The following LHX4 variants were observed in gnomAD, a reference collection of about 807,000 sequenced individuals.
LHX4 encodes the protein LIM/homeobox protein Lhx4.
Under a neutral mutation model 39.2 loss-of-function variants are expected in LHX4, and 16 were observed. The observed-to-expected ratio is 0.41, with a 90% CI of 0.28 to 0.62. LHX4 has a LOEUF of 0.62. Ranked by LOEUF, LHX4 falls within the 20% of genes least tolerant of loss-of-function variation. LHX4 has a pLI of 0.33. For synonymous variants in LHX4, 206 were observed against 198.1 expected (o/e 1.04, Z -0.33); for missense variants, 439 against 511.9 (o/e 0.86, Z 1.37).
In LHX4 at chr1:180,274,867, G is replaced by A; in HGVS notation, c.*288G>A. 1 of 326,194 alleles carries A rather than the reference G, an allele frequency of 3.1e-6. No individual in the cohort carries two copies. The highest frequency in any genetic ancestry group is 5.6e-6 in the Non-Finnish European group (1 of 177,750). 20.2% of individuals were successfully genotyped at this position (326,194 alleles called of 1,614,324 possible). A position where few individuals can be genotyped will look rare whatever the true frequency, so the allele number is the denominator to read the frequency against. ...TCTCTCCCCTGCTGTTCTGCTTAGGGGCTTGGCTGCTCAGTGCTTTGGTAG... is the reference window on the plus strand; with the variant it reads ...TCTCTCCCCTGCTGTTCTGCTTAGGAGCTTGGCTGCTCAGTGCTTTGGTAG... On this transcript the variant is annotated 3_prime_UTR_variant, in exon 6 of 6. Coordinates refer to ENST00000263726, the MANE Select transcript of LHX4 (RefSeq NM_033343.4).
intron 2 of LHX4, among the ~76,000 whole-genome samples, chr1:180,249,911 C>T (rs1253093786): frequency 1.3e-5 from 2 of 150,880 alleles, no homozygotes; most frequent in Admixed American, 6.6e-5. Context: ...GTGTGTGTGA[C>T]AGTGTGTGTG....
intron 2 of LHX4, among the ~76,000 whole-genome samples, chr1:180,257,400 T>C (rs75749074): frequency 0.015 from 2,338 of 152,260 alleles, 52 homozygotes; most frequent in African/African-American, 0.052. Context: ...GGGAGGTATA[T>C]GTGTGAATGT....
Position 180,274,671 on chromosome 1 carries a change from G to A in LHX4, c.*92G>A, listed in dbSNP as rs1476681003. The A allele has an allele frequency of 1.2e-5, 17 of 1,387,836 alleles. No homozygotes were observed. Among genetic ancestry groups the A allele is most frequent in the Admixed American group, 1.1e-4 (5 of 44,024 alleles). The allele number at this position is 1,387,836 out of a possible 1,614,324, so 86.0% of individuals were successfully genotyped here. Reference sequence around the variant, plus strand: ...CTTGCCTTTTAAGGATCGAAAGTACGCCAATGTGAATTTCCATTATTTTCA... The same window carrying A: ...CTTGCCTTTTAAGGATCGAAAGTACACCAATGTGAATTTCCATTATTTTCA... On this transcript the variant is annotated 3_prime_UTR_variant, in exon 6 of 6. Transcript: ENST00000263726.
chr1:180,255,538 T>C (rs908202436), intron 2 of LHX4, among the ~76,000 whole-genome samples: 10 of 152,222 alleles, frequency 6.6e-5, no homozygotes, highest in African/African-American at 2.4e-4. Flanking sequence ...TTAAACCTTT[T>C]AAGGTAACGA....
intron 5 of LHX4, 124 bp downstream of exon 5, chr1:180,272,130 C>G (rs1339894632): frequency 7.2e-6 from 6 of 832,172 alleles, no homozygotes; most frequent in Non-Finnish European, 1.1e-5. Context: ...ACAGGCTTTT[C>G]CTTAAGACTT....
chr1:180,246,774 T>C (rs1425463706), intron 1 of LHX4, among the ~76,000 whole-genome samples: 1 of 152,210 alleles, frequency 6.6e-6, no homozygotes, highest in Non-Finnish European at 1.5e-5. Flanking sequence ...GTTTTACTGC[T>C]GTTGACATTT....
At position 180,234,733 on chromosome 1, in the gene LHX4, C is replaced by T. The variant is rs990305288; in HGVS notation, c.76+4128C>T. ...GTCCCGGGAAGTCGTAAAGTCGGGA[C>T]TGAGAAGAAGCAGGACCTAACTCAA... On this transcript the variant is annotated intron_variant, in intron 1 of 5. Coordinates refer to ENST00000263726, the MANE Select transcript of LHX4 (RefSeq NM_033343.4). The surrounding 1 kb of genome is among the most constrained non-coding windows in gnomAD (Gnocchi z 4.8). Among the ~76,000 whole-genome samples, 1 of 152,246 alleles carries T rather than the reference C, an allele frequency of 6.6e-6. No homozygotes were observed. The highest frequency in any genetic ancestry group is 1.5e-5 in the Non-Finnish European group (1 of 68,036).
intron 3 of LHX4, chr1:180,270,936 T>G: frequency 7.8e-6 from 2 of 256,946 alleles, no homozygotes; most frequent in South Asian, 8.6e-5. Context: ...TGTGGGGAAA[T>G]GGGAGACTCC....
chr1:180,256,277 A>G (rs1021132629), intron 2 of LHX4, among the ~76,000 whole-genome samples: 3 of 152,140 alleles, frequency 2.0e-5, no homozygotes, highest in African/African-American at 4.8e-5. Context: ...TGGGCATTCA[A>G]GGGCCCATGA....
chr1:180,231,099 G>C (rs1664165958), intron 1 of LHX4, among the ~76,000 whole-genome samples: 1 of 151,982 alleles, frequency 6.6e-6, no homozygotes, highest in Admixed American at 6.5e-5. Context: ...CCTGCGGCCC[G>C]CGCCCCGGGC....
intron 1 of LHX4, among the ~76,000 whole-genome samples, chr1:180,240,539 C>A (rs946227232): frequency 6.6e-6 from 1 of 152,064 alleles, no homozygotes; most frequent in South Asian, 2.1e-4. Flanking sequence ...TTTGATCTTC[C>A]GTGACGAAAG....
In LHX4 at chr1:180,253,671, C is replaced by T. The variant is rs560476517; in HGVS notation, c.248+5215C>T. The stretch of plus-strand genomic sequence containing the variant: ...TGGAGAGGAGCTCACGCTAACCCAC[C>T]GAGCTAGGAAGAAGACGTGTGTGAC... On this transcript the variant is annotated intron_variant, in intron 2 of 5. Coordinates refer to ENST00000263726, the MANE Select transcript of LHX4 (RefSeq NM_033343.4). Among the ~76,000 whole-genome samples, 8 of 152,338 alleles carry T rather than the reference C, an allele frequency of 5.3e-5. No homozygotes were observed. In the South Asian group the frequency reaches 8.3e-4, roughly 16 times the overall value.
rs534579907 is a variant in LHX4, at chr1:180,260,210, C to T, written c.249-6182C>T. On this transcript the variant is annotated intron_variant, in intron 2 of 5. Coordinates refer to ENST00000263726, the MANE Select transcript of LHX4 (RefSeq NM_033343.4). Reference sequence around the variant, plus strand: ...TGCAGGGCCCACTCTGCACAGGACACAGGTTGGTGCTAGGAGAATGGCAGC... The same window carrying T: ...TGCAGGGCCCACTCTGCACAGGACATAGGTTGGTGCTAGGAGAATGGCAGC... Among the ~76,000 whole-genome samples, 6 of 151,864 alleles carry T rather than the reference C, an allele frequency of 4.0e-5. No homozygotes were observed. In the South Asian group the frequency reaches 1.2e-3, roughly 31 times the overall value.
intron 2 of LHX4, among the ~76,000 whole-genome samples, chr1:180,250,915 G>T (rs1379006797): frequency 6.6e-6 from 1 of 152,204 alleles, no homozygotes; most frequent in Middle Eastern, 3.2e-3. Context: ...AAAGGCCCAA[G>T]ACCAGAAATA....
chr1:180,274,530 C>T lies in LHX4; in HGVS notation c.1124C>T (p.Pro375Leu). The T allele has an allele frequency of 6.2e-7, 1 of 1,604,934 alleles. No homozygotes were observed. The highest frequency in any genetic ancestry group is 8.5e-7 in the Non-Finnish European group (1 of 1,175,310). ...TGSSVGYPDF[P>L]TSPGSWLDEM... ...AGCAGTGTAGGCTATCCCGACTTTC[C>T]AACTAGCCCAGGCTCTTGGCTCGAT... The change falls in exon 6 of 6, where the codon CCA becomes CTA. Residue 375 changes from proline (P) to leucine (L), a missense_variant. Pro to Leu is a moderately conservative substitution (Grantham distance 98). Transcript: ENST00000263726.
At position 180,233,944 on chromosome 1, in the gene LHX4, T is replaced by G. The variant is rs562373417; in HGVS notation, c.76+3339T>G. On this transcript the variant is annotated intron_variant, in intron 1 of 5. Transcript: ENST00000263726. ...AGGTTTTCCCTGGGACTTCCTCTCC[T>G]GGGGCTCCTCCGGGGTGCGTGGGGT... Among the ~76,000 whole-genome samples the G allele has an allele frequency of 2.2e-3, 341 of 151,658 alleles. 1 individual carries two copies. Among genetic ancestry groups the G allele is most frequent in the Middle Eastern group, 0.01 (3 of 294 alleles).
chr1:180,267,029 G>A (rs575809187), intron 3 of LHX4, among the ~76,000 whole-genome samples: 181 of 152,210 alleles, frequency 1.2e-3, no homozygotes, highest in Admixed American at 1.9e-3. Flanking sequence ...CTCAAAGGCC[G>A]TCGGTGAGAG....
At chr1:180,248,756 C>T (rs1285742756) in intron 2 of LHX4, 1 of 446,984 alleles carries the variant, frequency 2.2e-6, no homozygotes, top group Non-Finnish European at 4.2e-6. Context: ...CAAATCTCCT[C>T]TGTTGCTCCA....
At chr1:180,228,860 G>A (rs1230695078), upstream of LHX4, among the ~76,000 whole-genome samples, 1 of 152,206 alleles carries the variant, frequency 6.6e-6, no homozygotes, top group African/African-American at 2.4e-5. Flanking sequence ...GGCTGGGGAG[G>A]GCACACAGTC....
Sources: gnomAD v4.1 joint callset for allele counts (sites outside exome capture counted in the v4.1 genomes callset) on GRCh38, gnomAD v4.1.1 for gene constraint, Gnocchi (gnomAD v3.1) non-coding constraint, MANE v1.5 for transcripts, NCBI Gene and HGNC (gene_info 2026-07-23, HGNC 2026-07-21) for gene names.